Variants in EMSY observed in about 807,000 individuals in gnomAD.
EMSY encodes BRCA2-interacting transcriptional repressor EMSY.
Under a neutral mutation model 134.6 loss-of-function variants are expected in EMSY, and 26 were observed. The ratio of observed to expected loss-of-function variants is 0.19; its 90% CI spans 0.14 to 0.27. The LOEUF (loss-of-function observed/expected upper bound fraction) is 0.27. EMSY is among the 10% of genes least tolerant of loss of function. EMSY has a pLI of 1.00. For synonymous variants in EMSY, 579 were observed against 577.8 expected (o/e 1.00, Z -0.03); for missense variants, 1,305 against 1,611.4 (o/e 0.81, Z 3.26).
intron 8 of EMSY, among the ~76,000 whole-genome samples, 169 bp from the exon 10 acceptor site, chr11:76,496,046 C>A (rs1457467733): frequency 6.6e-6 from 1 of 152,162 alleles, no homozygotes; most frequent in African/African-American, 2.4e-5. Context: ...GACTAGATAT[C>A]AGATATGTAA....
At chr11:76,463,674 C>A in intron 6 of EMSY, 147 bp from the exon 8 acceptor site, 1 of 813,542 alleles carries the variant, frequency 1.2e-6, no homozygotes, top group Non-Finnish European at 1.9e-6. Flanking sequence ...ATTCAGAGAC[C>A]ACTTCTCTGA....
intron 8 of EMSY, among the ~76,000 whole-genome samples, chr11:76,476,885 G>A (rs960131221): frequency 1.3e-5 from 2 of 152,050 alleles, no homozygotes; most frequent in Non-Finnish European, 2.9e-5. Flanking sequence ...GCATTTTATT[G>A]GTGGATAGAG....
In EMSY at chr11:76,529,822, G is replaced by A. The variant is rs754556217; in HGVS notation, c.2194+1356G>A. Among the ~76,000 whole-genome samples, 4 of 152,188 alleles carry A rather than the reference G, an allele frequency of 2.6e-5. No homozygotes were observed. The South Asian group carries it at 6.2e-4, about 24-fold the overall frequency. ...AGTGATAGTAATATTTTCTGAATCC[G>A]TTTGCTAAGATGGACTTTATCATTC... is the stretch of plus-strand genomic sequence containing the variant. On this transcript the variant is annotated intron_variant, in intron 14 of 20. Coordinates refer to ENST00000334736, the Ensembl canonical transcript of EMSY.
intron 14 of EMSY, among the ~76,000 whole-genome samples, chr11:76,529,345 C>T (rs187501770): frequency 6.6e-6 from 1 of 152,308 alleles, no homozygotes; most frequent in African/African-American, 2.4e-5. Flanking sequence ...AGCAACTTCA[C>T]TTTTCTTATA....
chr11:76,518,250 G>A lies in EMSY; in HGVS notation c.1684+1938G>A, dbSNP rs545621889. 8.8e-5 allele frequency among the ~76,000 whole-genome samples: 13 copies of A among 147,672 alleles called. No homozygotes were observed. In the South Asian group the frequency reaches 2.1e-3, roughly 24 times the overall value. On this transcript the variant is annotated intron_variant, in intron 11 of 20. Coordinates refer to ENST00000334736, the Ensembl canonical transcript of EMSY. ...AGTGGCATGATTGGCTTGTTACAGC[G>A]TCAGCCTCCTGGGCTCAAGCAATCC...
At chr11:76,544,129 T>C in intron 18 of EMSY, 130 bp from the exon 20 acceptor site, 1 of 919,342 alleles carries the variant, frequency 1.1e-6, no homozygotes, top group Non-Finnish European at 1.6e-6. Context: ...CTCCTTGAGG[T>C]TTCTTGGCCT....
exon 19 of EMSY, chr11:76,544,445 G>A (rs1037391785): frequency 6.2e-7 from 1 of 1,614,144 alleles, no homozygotes; most frequent in Non-Finnish European, 8.5e-7. Context: ...TCAGCTGCAA[G>A]TGAAAACTCT....
intron 8 of EMSY, among the ~76,000 whole-genome samples, chr11:76,480,759 A>G (rs1471727223): frequency 6.6e-6 from 1 of 152,174 alleles, no homozygotes; most frequent in Non-Finnish European, 1.5e-5. Flanking sequence ...GGTGTAGCCC[A>G]TGGAGGGTGA....
At chr11:76,460,302 T>A (rs1350236570) in intron 6 of EMSY, 1 of 469,454 alleles carries the variant, frequency 2.1e-6, no homozygotes, top group Non-Finnish European at 3.8e-6. Context: ...ATTTTCATTG[T>A]CTGTGGGTAA....
Position 76,544,246 on chromosome 11 carries a change from C to CT in EMSY, c.2710-7dup, listed in dbSNP as rs752817887. ...TTCTTATTTCATTCTTACTTTGTGC[C>CT]TTTTTTACTTAGGCATTAAGCAGTC... On this transcript the variant is annotated splice_polypyrimidine_tract_variant and intron_variant, in intron 18 of 20. Transcript: ENST00000334736. 9.8e-5 allele frequency: 155 copies of CT among 1,587,470 alleles called. No homozygotes were observed. The African/African-American group carries it at 2.0e-3, about 21-fold the overall frequency.
At position 76,447,016 on chromosome 11, in the gene EMSY, G is replaced by A. The variant is rs766361879; in HGVS notation, c.70+8G>A. 1 of 1,612,806 alleles carries A rather than the reference G, an allele frequency of 6.2e-7. No homozygotes were observed. Among genetic ancestry groups the A allele is most frequent in the Non-Finnish European group, 8.5e-7 (1 of 1,179,316 alleles). ...GAATTCTTCGAAAATTGGGTATGACGTTCATTGTTTGTTTTTTACCTCTCT... is the reference window on the plus strand; with the variant it reads ...GAATTCTTCGAAAATTGGGTATGACATTCATTGTTTGTTTTTTACCTCTCT... On this transcript the variant is annotated splice_region_variant and intron_variant, in intron 2 of 20. Coordinates refer to ENST00000334736, the Ensembl canonical transcript of EMSY.
At chr11:76,463,349 C>A (rs1053768736) in intron 6 of EMSY, among the ~76,000 whole-genome samples, 2 of 150,214 alleles carry the variant, frequency 1.3e-5, no homozygotes. Flanking sequence ...GGCAGCCGGG[C>A]GCGGTGGCTC....
chr11:76,484,030 A>G (rs1949084362), intron 8 of EMSY, among the ~76,000 whole-genome samples: 2 of 152,228 alleles, frequency 1.3e-5, no homozygotes, highest in South Asian at 4.1e-4. Flanking sequence ...GCAAAAGAAC[A>G]GAAATCATAA....
At position 76,459,922 on chromosome 11, in the gene EMSY, C is replaced by T. The variant is rs376653441; in HGVS notation, c.422-14C>T. ...GAAAGTTAACAGCAAACTTTTTTAT[C>T]GTTCCTTCAGTAGTGGTTTGCTATT... On this transcript the variant is annotated splice_polypyrimidine_tract_variant and intron_variant, in intron 5 of 20. Transcript: ENST00000334736. 41 of 1,606,486 alleles carry T rather than the reference C, an allele frequency of 2.6e-5. No homozygotes were observed. Among genetic ancestry groups the T allele is most frequent in the South Asian group, 3.3e-5 (3 of 90,710 alleles).
At chr11:76,543,555 A>G (rs1951525912) in intron 18 of EMSY, among the ~76,000 whole-genome samples, 1 of 152,050 alleles carries the variant, frequency 6.6e-6, no homozygotes, top group Admixed American at 6.6e-5. Flanking sequence ...TAACCGTGTC[A>G]CTCAAGATGA....
At chr11:76,471,752 G>A (rs1391780309) in intron 7 of EMSY, among the ~76,000 whole-genome samples, 1 of 152,058 alleles carries the variant, frequency 6.6e-6, no homozygotes, top group African/African-American at 2.4e-5. Flanking sequence ...CTGTCAACAT[G>A]CTCTTACATG....
In EMSY at chr11:76,537,826, A is replaced by G. The variant is rs1307067478; in HGVS notation, c.2391A>G (p.Gln797=). 3.1e-6 allele frequency: 5 copies of G among 1,609,604 alleles called. No individual in the cohort carries two copies. In the African/African-American group the frequency reaches 6.7e-5, roughly 22 times the overall value. ...AAAAATTGGAATCTAAACCAAGACAACCCACTATTGACCTGAGTCAAATGG... is the reference window on the plus strand; with the variant it reads ...AAAAATTGGAATCTAAACCAAGACAGCCCACTATTGACCTGAGTCAAATGG... The change falls in exon 16 of 21, where the codon CAA becomes CAG. Residue 797 remains glutamine, a synonymous_variant. Transcript: ENST00000334736.
At chr11:76,456,613 T>G (rs1187358967) in intron 4 of EMSY, among the ~76,000 whole-genome samples, 1 of 152,230 alleles carries the variant, frequency 6.6e-6, no homozygotes, top group East Asian at 1.9e-4. Context: ...TACCATTCTT[T>G]GTTTCAAAAG....
chr11:76,511,449 T>C (rs983192827), intron 9 of EMSY, among the ~76,000 whole-genome samples: 1 of 152,128 alleles, frequency 6.6e-6, no homozygotes, highest in Non-Finnish European at 1.5e-5. Flanking sequence ...ACACCTGTAA[T>C]CCCTTTGGGA....
Sources: allele counts gnomAD v4.1 joint callset (sites outside exome capture counted in the v4.1 genomes callset), GRCh38; gene constraint gnomAD v4.1.1; transcripts MANE v1.5; gene names NCBI Gene and HGNC (gene_info 2026-07-23, HGNC 2026-07-21).